The following AOPEP variants were observed in gnomAD, a reference collection of about 807,000 sequenced individuals.
AOPEP encodes aminopeptidase O (putative).
In AOPEP, 77 loss-of-function variants were observed where a neutral mutation model predicts 98.1. That is an observed-to-expected ratio of 0.78 (90% CI 0.65 to 0.95). The LOEUF is 0.95. AOPEP is among the 40% of genes least tolerant of loss of function. The pLI, the probability that AOPEP is intolerant of heterozygous loss-of-function variation, is 0.00. For synonymous variants in AOPEP, 346 were observed against 365.3 expected, an observed-to-expected ratio of 0.95 and a Z score of 0.60; for missense variants, 1,024 against 1,024.7, an observed-to-expected ratio of 1.00 and a Z score of 0.01.
intron 1 of AOPEP, among the ~76,000 whole-genome samples, chr9:94,728,043 G>A (rs1829611980): frequency 6.6e-6 from 1 of 152,172 alleles, no homozygotes; most frequent in Non-Finnish European, 1.5e-5. Context: ...TTCAAAGCCT[G>A]CACTTTTCTT....
At chr9:95,137,449 G>A in the AOPEP span, among the ~76,000 whole-genome samples, 1 of 151,972 alleles carries the variant, frequency 6.6e-6, no homozygotes, top group Admixed American at 6.6e-5. Context: ...GCTTCAATTT[G>A]TCCAGGACCC....
At chr9:95,100,456 C>T in the AOPEP span, 18 of 231,418 alleles carry the variant, frequency 7.8e-5, no homozygotes, top group Admixed American at 2.3e-4. Context: ...TACCTCAAAA[C>T]GGAGCCAAGA....
chr9:94,843,837 A>G (rs923525918), intron 5 of AOPEP, among the ~76,000 whole-genome samples: 1 of 152,160 alleles, frequency 6.6e-6, no homozygotes, highest in African/African-American at 2.4e-5. Flanking sequence ...TTTCCCTCAA[A>G]TATACCTTCC....
chr9:95,005,355 C>T, intron 12 of AOPEP, 135 bp downstream of exon 12: 1 of 729,254 alleles, frequency 1.4e-6, no homozygotes, highest in Non-Finnish European at 1.9e-6. Context: ...GCGCGGGGAG[C>T]GGCCGTGACG....
At chr9:94,746,922 C>G (rs1453462479) in intron 1 of AOPEP, among the ~76,000 whole-genome samples, 1 of 152,030 alleles carries the variant, frequency 6.6e-6, no homozygotes, top group African/African-American at 2.4e-5. Context: ...CCACAACTGA[C>G]AGTGATTTGC....
At chr9:95,018,962 G>A (rs557955148) in intron 13 of AOPEP, 2 of 152,150 alleles carry the variant, frequency 1.3e-5, no homozygotes, top group African/African-American at 2.4e-5. Flanking sequence ...TGTGGATAGC[G>A]ATGCCATCCG....
intron 11 of AOPEP, among the ~76,000 whole-genome samples, chr9:94,981,885 C>T (rs2060207658): frequency 6.6e-6 from 1 of 152,120 alleles, no homozygotes; most frequent in Admixed American, 6.5e-5. Flanking sequence ...GTTACAGAGG[C>T]TTTTTGTCTT....
intron 11 of AOPEP, chr9:95,004,181 C>G (rs764419747): frequency 5.9e-5 from 27 of 455,208 alleles, no homozygotes; most frequent in Admixed American, 9.4e-5. Flanking sequence ...CGACTCTCCG[C>G]CCCGGCCCGC....
At chr9:95,131,639 T>C in the AOPEP span, among the ~76,000 whole-genome samples, 1 of 152,218 alleles carries the variant, frequency 6.6e-6, no homozygotes, top group African/African-American at 2.4e-5. Flanking sequence ...CTAAATTATC[T>C]ACTTCAGCTC....
intron 13 of AOPEP, among the ~76,000 whole-genome samples, chr9:95,057,446 AC>A (rs1358416784): frequency 3.3e-5 from 5 of 152,240 alleles, no homozygotes; most frequent in African/African-American, 1.2e-4. Context: ...ATCTGCTGAT[AC>A]GTGGTCTCTT....
In AOPEP at chr9:95,016,826, A is replaced by G. The variant is rs187252156; in HGVS notation, c.2115+11210A>G. Among the ~76,000 whole-genome samples the G allele has an allele frequency of 1.9e-4, 29 of 150,126 alleles. No individual in the cohort carries two copies. In the East Asian group the frequency reaches 5.7e-3, roughly 29 times the overall value. On this transcript the variant is annotated intron_variant, in intron 13 of 16. Transcript: ENST00000375315. ...GTCTCTATGTTGCTGGTCTTGAACTACTGGCCACAAGCAATCCTTGTGCTT... is the reference window on the plus strand; with the variant it reads ...GTCTCTATGTTGCTGGTCTTGAACTGCTGGCCACAAGCAATCCTTGTGCTT...
At chr9:94,983,941 A>G (rs1204262253) in intron 11 of AOPEP, among the ~76,000 whole-genome samples, 3 of 143,678 alleles carry the variant, frequency 2.1e-5, no homozygotes, top group Non-Finnish European at 3.0e-5. Flanking sequence ...CCTTGCATAT[A>G]TTAACAGTAG....
intron 13 of AOPEP, among the ~76,000 whole-genome samples, chr9:95,007,521 G>T (rs1228043127): frequency 1.3e-5 from 2 of 152,176 alleles, no homozygotes; most frequent in Non-Finnish European, 2.9e-5. Context: ...GAAAATGTGG[G>T]CAGCAATTTT....
chr9:94,966,335 A>T (rs2059198483), intron 9 of AOPEP, among the ~76,000 whole-genome samples: 1 of 151,636 alleles, frequency 6.6e-6, no homozygotes, highest in Non-Finnish European at 1.5e-5. Flanking sequence ...TCCTGTGTAG[A>T]GTCTGTATTT....
chr9:94,811,450 CT>C (rs1850559807), intron 5 of AOPEP, among the ~76,000 whole-genome samples: 1 of 152,188 alleles, frequency 6.6e-6, no homozygotes, highest in Non-Finnish European at 1.5e-5. Context: ...TCTCTTCTCC[CT>C]TGGCCTTTCC....
At chr9:94,864,306 A>C (rs1412458850) in intron 5 of AOPEP, among the ~76,000 whole-genome samples, 1 of 152,258 alleles carries the variant, frequency 6.6e-6, no homozygotes, top group Non-Finnish European at 1.5e-5. Flanking sequence ...GAAAAAAGTC[A>C]CATGGTCTTG....
intron 13 of AOPEP, chr9:95,048,823 C>A (rs778239093): frequency 2.6e-5 from 4 of 152,180 alleles, no homozygotes; most frequent in Non-Finnish European, 5.9e-5. Context: ...ATTTACCAGG[C>A]CTTCAAATCA....
At chr9:95,117,483 A>G in the AOPEP span, 11 of 907,840 alleles carry the variant, frequency 1.2e-5, no homozygotes, top group Non-Finnish European at 2.0e-5. Context: ...CCCAAAAAAG[A>G]CCCACCAGTA....
chr9:94,877,412 A>G (rs1158732421), intron 5 of AOPEP, among the ~76,000 whole-genome samples: 1 of 134,398 alleles, frequency 7.4e-6, no homozygotes, highest in Non-Finnish European at 1.6e-5. Context: ...ACCCTACTGG[A>G]TTTTTTTTTC....
Sources: allele counts gnomAD v4.1 joint callset (sites outside exome capture counted in the v4.1 genomes callset), GRCh38; gene constraint gnomAD v4.1.1; transcripts MANE v1.5; gene names NCBI Gene and HGNC (gene_info 2026-07-23, HGNC 2026-07-21).